The following RSL24D1 variants were observed in gnomAD, a reference collection of about 807,000 sequenced individuals.
RSL24D1 encodes ribosomal L24 domain containing 1.
In RSL24D1, 6 loss-of-function variants were observed where a neutral mutation model predicts 26.2. The observed-to-expected ratio is 0.23, with a 90% CI of 0.13 to 0.45. The LOEUF (loss-of-function observed/expected upper bound fraction) is 0.45. Among genes scored for constraint, RSL24D1 ranks in the 20% least tolerant of loss-of-function variants. The pLI is 0.99. For missense variants in RSL24D1, 176 were observed against 202.6 expected, an observed-to-expected ratio of 0.87 and a Z score of 0.80; for synonymous variants, 61 against 59.1, an observed-to-expected ratio of 1.03 and a Z score of -0.15.
chr15:55,194,938 G>C (rs563152169), intron 1 of RSL24D1, among the ~76,000 whole-genome samples: 1 of 148,240 alleles, frequency 6.7e-6, no homozygotes, highest in South Asian at 2.1e-4. Context: ...AGGGAGGACT[G>C]CTTAAGTACA....
chr15:55,194,803 T>TACACACACACACACACACACAC, intron 1 of RSL24D1, among the ~76,000 whole-genome samples: 1 of 147,010 alleles, frequency 6.8e-6, no homozygotes, highest in Non-Finnish European at 1.5e-5. Context: ...CCTCTGTCTC[T>TACACACACACACACACACACAC]ACACACACAC....
intron 5 of RSL24D1, 129 bp downstream of exon 5, chr15:55,183,186 C>A (rs1003771289): frequency 1.9e-5 from 12 of 629,644 alleles, no homozygotes; most frequent in Middle Eastern, 4.5e-4. Context: ...GAATAAATTA[C>A]ATTTTTATAG....
At chr15:55,191,572 T>A (rs1406852697) in intron 2 of RSL24D1, among the ~76,000 whole-genome samples, 1 of 152,092 alleles carries the variant, frequency 6.6e-6, no homozygotes, top group Non-Finnish European at 1.5e-5. Flanking sequence ...ATAAATGAGG[T>A]GCTACTCTGC....
At chr15:55,185,271 C>G in intron 4 of RSL24D1, 91 bp downstream of exon 4, 1 of 944,206 alleles carries the variant, frequency 1.1e-6, no homozygotes, top group Non-Finnish European at 1.5e-6. Context: ...GAAGTTATGT[C>G]AAAATAAAAA....
chr15:55,187,254 A>C (rs1894234303), intron 3 of RSL24D1, among the ~76,000 whole-genome samples: 1 of 152,240 alleles, frequency 6.6e-6, no homozygotes, highest in Non-Finnish European at 1.5e-5. Context: ...CAGAATTAAT[A>C]ATATGCTGGA....
At chr15:55,192,673 A>C in intron 2 of RSL24D1, 47 bp downstream of exon 2, 1 of 1,372,182 alleles carries the variant, frequency 7.3e-7, no homozygotes. Flanking sequence ...TCAAATACTA[A>C]AACTGTGAAA....
At chr15:55,192,597 A>C in intron 2 of RSL24D1, 123 bp downstream of exon 2, 1 of 601,150 alleles carries the variant, frequency 1.7e-6, no homozygotes, top group Non-Finnish European at 3.0e-6. Context: ...AGCCAAATAC[A>C]AATAAGGTAC....
At chr15:55,185,094 T>C (rs1445909910) in intron 4 of RSL24D1, among the ~76,000 whole-genome samples, 2 of 152,172 alleles carry the variant, frequency 1.3e-5, no homozygotes, top group Non-Finnish European at 2.9e-5. Flanking sequence ...CCATACTGTG[T>C]TTATTTAAGA....
intron 3 of RSL24D1, among the ~76,000 whole-genome samples, chr15:55,189,256 C>T (rs1176991871): frequency 6.6e-6 from 1 of 151,304 alleles, no homozygotes; most frequent in Admixed American, 6.6e-5. Flanking sequence ...GATAAGAGTG[C>T]CTTTTGAAAT....
At chr15:55,193,069 C>T (rs1370623696) in intron 1 of RSL24D1, among the ~76,000 whole-genome samples, 1 of 152,106 alleles carries the variant, frequency 6.6e-6, no homozygotes, top group East Asian at 1.9e-4. Flanking sequence ...TATAGAATAA[C>T]AGTAAAATTA....
At chr15:55,190,065 T>C (rs1047278707) in intron 3 of RSL24D1, among the ~76,000 whole-genome samples, 1 of 151,996 alleles carries the variant, frequency 6.6e-6, no homozygotes, top group Non-Finnish European at 1.5e-5. Flanking sequence ...CTGGCCAACA[T>C]GGCAAAACCC....
intron 4 of RSL24D1, among the ~76,000 whole-genome samples, chr15:55,184,660 A>T (rs1389107480): frequency 1.3e-5 from 2 of 152,194 alleles, no homozygotes; most frequent in Non-Finnish European, 2.9e-5. Flanking sequence ...CGTACTGATT[A>T]TAAGGAAAAC....
At chr15:55,192,954 A>C (rs1167509861) in intron 1 of RSL24D1, 121 bp from the exon 2 acceptor site, 3 of 612,896 alleles carry the variant, frequency 4.9e-6, no homozygotes, top group Non-Finnish European at 5.8e-6. Flanking sequence ...GAAATGTGTA[A>C]GATATATCAG....
chr15:55,196,371 T>C lies in RSL24D1; in HGVS notation c.81+439A>G, dbSNP rs1163187254. 4 of 458,926 alleles carry C rather than the reference T, an allele frequency of 8.7e-6. No homozygotes were observed. The Admixed American group carries it at 9.4e-5, about 11-fold the overall frequency. The allele number at this position is 458,926 out of a possible 1,614,324, so 28.4% of individuals were successfully genotyped here. ...AACTCACCTGCAGTAACTTAATACA[T>C]AACTCTACCATTAAGCAATACGGAA... On this transcript the variant is annotated intron_variant, in intron 1 of 5. Coordinates refer to ENST00000260443, the MANE Select transcript of RSL24D1 (RefSeq NM_016304.3).
rs1894366399 is a variant in RSL24D1 at position 55,196,897 on chromosome 15, C to T, written c.-7G>A. 6.2e-7 allele frequency: 1 copy of T among 1,613,906 alleles called. No individual in the cohort carries two copies. The highest frequency in any genetic ancestry group is 8.5e-7 in the Non-Finnish European group (1 of 1,179,824). Reference sequence around the variant, plus strand: ...AACACTTTTCGATACGCATGTTGAACCCGCGTGTAACCCCACCAAACAAAC... The same window carrying T: ...AACACTTTTCGATACGCATGTTGAATCCGCGTGTAACCCCACCAAACAAAC... On this transcript the variant is annotated 5_prime_UTR_variant, in exon 1 of 6. Coordinates refer to ENST00000260443, the MANE Select transcript of RSL24D1 (RefSeq NM_016304.3).
At chr15:55,184,438 T>C (rs1894202682) in intron 4 of RSL24D1, among the ~76,000 whole-genome samples, 1 of 152,062 alleles carries the variant, frequency 6.6e-6, no homozygotes, top group African/African-American at 2.4e-5. Context: ...AATCTTGAAA[T>C]TGATGGAAAA....
chr15:55,185,282 AT>A, intron 4 of RSL24D1, 79 bp downstream of exon 4: 1 of 1,097,356 alleles, frequency 9.1e-7, no homozygotes, highest in Non-Finnish European at 1.3e-6. Context: ...AAAATAAAAA[AT>A]TTTTTTAAAA....
rs561414175 is a variant in RSL24D1 at position 55,192,837 on chromosome 15, C to A, written c.82-4G>T. 6.3e-7 allele frequency: 1 copy of A among 1,589,292 alleles called. No individual in the cohort carries two copies. The highest frequency in any genetic ancestry group is 8.6e-7 in the Non-Finnish European group (1 of 1,158,558). On this transcript the variant is annotated splice_polypyrimidine_tract_variant and splice_region_variant and intron_variant, in intron 1 of 5. Coordinates refer to ENST00000260443, the MANE Select transcript of RSL24D1 (RefSeq NM_016304.3). ...TAGATTTGCAAAATCTGAACACCTACAAGAAAAGTTAAAATATTGAGAAGT... is the reference window on the plus strand; with the variant it reads ...TAGATTTGCAAAATCTGAACACCTAAAAGAAAAGTTAAAATATTGAGAAGT...
chr15:55,192,652 A>G (rs1182740446), intron 2 of RSL24D1, 68 bp downstream of exon 2: 2 of 1,065,778 alleles, frequency 1.9e-6, no homozygotes, highest in East Asian at 2.4e-5. Flanking sequence ...TGATTAGATG[A>G]CATATACCCT....
Sources: gnomAD v4.1 joint callset for allele counts (sites outside exome capture counted in the v4.1 genomes callset) on GRCh38, gnomAD v4.1.1 for gene constraint, MANE v1.5 for transcripts, NCBI Gene and HGNC (gene_info 2026-07-23, HGNC 2026-07-21) for gene names.